Variants in JUP observed in about 807,000 individuals in gnomAD.
JUP encodes the protein catenin (cadherin-associated protein), gamma 80kDa.
Under a neutral mutation model 71.1 loss-of-function variants are expected in JUP, and 28 were observed. The observed-to-expected ratio is 0.39, with a 90% CI of 0.29 to 0.54. JUP has a LOEUF of 0.54. JUP is among the 20% of genes least tolerant of loss of function. The pLI is 0.62. For missense variants in JUP, 869 were observed against 1,030.1 expected (o/e 0.84, Z 2.14); for synonymous variants, 401 against 438.9 (o/e 0.91, Z 1.08).
At chr17:41,757,350 G>A in intron 12 of JUP, 65 bp downstream of exon 12, 2 of 1,572,366 alleles carry the variant, frequency 1.3e-6, no homozygotes, top group South Asian at 1.1e-5. Flanking sequence ...ACCCCCAAAA[G>A]TGTTGCCCAT....
chr17:41,772,798 C>T, intron 1 of JUP: 1 of 985,412 alleles, frequency 1.0e-6, no homozygotes, highest in Non-Finnish European at 1.2e-6. Flanking sequence ...CTCTCTCTCT[C>T]TGCAAAGGTT....
In JUP at chr17:41,765,064, T is replaced by TCAG. The variant is rs1567812900; in HGVS notation, c.910_912dup (p.Leu304dup). 6.2e-7 allele frequency: 1 copy of TCAG among 1,614,068 alleles called. No individual in the cohort carries two copies. The highest frequency in any genetic ancestry group is 8.5e-7 in the Non-Finnish European group (1 of 1,179,982). On this transcript the variant is annotated inframe_insertion, in exon 6 of 14. Coordinates refer to ENST00000393931, the MANE Select transcript of JUP (RefSeq NM_002230.4). Reference sequence around the variant, plus strand: ...TGGGGCCCACCATTGGCCAGGATGATCAGCTATGGGTAAAGAGGGAATGAG... The same window carrying TCAG: ...TGGGGCCCACCATTGGCCAGGATGATCAGCAGCTATGGGTAAAGAGGGAATGAG...
At chr17:41,778,634 G>A (rs1366984014) in intron 1 of JUP, among the ~76,000 whole-genome samples, 1 of 151,908 alleles carries the variant, frequency 6.6e-6, no homozygotes, top group East Asian at 1.9e-4. Context: ...GGATGTTGCC[G>A]AGCACGGTGG....
At chr17:41,760,212 T>TA (rs1444350045) in intron 8 of JUP, among the ~76,000 whole-genome samples, 13 of 151,902 alleles carry the variant, frequency 8.6e-5, no homozygotes, top group Non-Finnish European at 1.5e-4. Context: ...TAGAATCACT[T>TA]AGAGTCATTC....
In JUP at chr17:41,769,018, G is replaced by T; in HGVS notation, c.658C>A (p.Leu220Ile). The T allele has an allele frequency of 6.2e-7, 1 of 1,611,134 alleles. No homozygotes were observed. The highest frequency in any genetic ancestry group is 2.2e-5 in the East Asian group (1 of 44,778). The change falls in exon 4 of 14, where the codon CTC becomes ATC. Residue 220 changes from leucine to isoleucine, a missense_variant. Physicochemically the swap from Leu to Ile is conservative, Grantham distance 5. Transcript: ENST00000393931. ...ATGCCACCCGACTTGAAGATGGCGA[G>T]CAGCCCCTCCCGGTGGTGGGAGAGG... ...HNLSHHREGL[L>I]AIFKSGGIPA...
At chr17:41,778,581 A>G (rs1391331069) in intron 1 of JUP, among the ~76,000 whole-genome samples, 1 of 151,190 alleles carries the variant, frequency 6.6e-6, no homozygotes, top group African/African-American at 2.4e-5. Context: ...ATGTTACTAT[A>G]TACAGGGGAT....
chr17:41,757,395 G>A lies in JUP; in HGVS notation c.2046+20C>T. 6.2e-7 allele frequency: 1 copy of A among 1,614,044 alleles called. No individual in the cohort carries two copies. The highest frequency in any genetic ancestry group is 8.5e-7 in the Non-Finnish European group (1 of 1,179,988). On this transcript the variant is annotated intron_variant, in intron 12 of 13. Transcript: ENST00000393931. Reference sequence around the variant, plus strand: ...CCAACTTGCACAACCAACTACTGTGGTCCAACCTAGGATACTCACAGCCTC... The same window carrying A: ...CCAACTTGCACAACCAACTACTGTGATCCAACCTAGGATACTCACAGCCTC...
intron 1 of JUP, among the ~76,000 whole-genome samples, chr17:41,783,942 C>T (rs1449363036): frequency 6.8e-6 from 1 of 148,118 alleles, no homozygotes; most frequent in Non-Finnish European, 1.5e-5. Context: ...TCTGTAAAGT[C>T]TTACCTTGAT....
chr17:41,785,249 G>C (rs1469919099), intron 1 of JUP: 1 of 151,402 alleles, frequency 6.6e-6, no homozygotes, highest in Non-Finnish European at 1.5e-5. Flanking sequence ...TGTGGGGGAT[G>C]GGGTAGAGGC....
At chr17:41,758,343 C>A (rs576915209) in intron 10 of JUP, 56 bp downstream of exon 10, 18 of 1,609,890 alleles carry the variant, frequency 1.1e-5, no homozygotes, top group African/African-American at 1.3e-5. Context: ...GACTCCTAAC[C>A]TTGCCCTTTA....
intron 1 of JUP, among the ~76,000 whole-genome samples, chr17:41,780,000 G>A (rs1434731249): frequency 6.6e-6 from 1 of 152,094 alleles, no homozygotes; most frequent in African/African-American, 2.4e-5. Flanking sequence ...AATCAAGGAA[G>A]AGGAGGAGTC....
rs541032494 is a variant in JUP at position 41,758,408 on chromosome 17, C to A, written c.1764G>T (p.Leu588=). ...CCTGCCCCAGACTCACCTGCACAAA[C>A]AGGGGAATGGTGTTGAGCCGGAAGA... The part of the protein sequence containing the change: ...MEIFRLNTIP[L]FVQLLYSSVE... The change falls in exon 10 of 14, where the codon CTG becomes CTT. Residue 588 remains leucine (L), a synonymous_variant. Transcript: ENST00000393931. The A allele has an allele frequency of 1.2e-6, 2 of 1,613,294 alleles. No individual in the cohort carries two copies. Among genetic ancestry groups the A allele is most frequent in the East Asian group, 2.2e-5 (1 of 44,876 alleles).
intron 5 of JUP, among the ~76,000 whole-genome samples, chr17:41,765,899 G>C (rs925366446): frequency 1.3e-5 from 2 of 152,142 alleles, no homozygotes; most frequent in Non-Finnish European, 2.9e-5. Context: ...GTTTATAAAG[G>C]TGGAATAGGA....
chr17:41,767,823 G>A (rs1416776097), intron 4 of JUP, among the ~76,000 whole-genome samples: 1 of 152,224 alleles, frequency 6.6e-6, no homozygotes, highest in African/African-American at 2.4e-5. Flanking sequence ...CCAGCCCTGT[G>A]CTGAGCGCAC....
At chr17:41,762,582 T>C (rs1449976678) in intron 8 of JUP, among the ~76,000 whole-genome samples, 2 of 151,966 alleles carry the variant, frequency 1.3e-5, no homozygotes, top group East Asian at 1.9e-4. Context: ...TTGTTATTGT[T>C]GTCGAGACAG....
In JUP at chr17:41,772,787, C is replaced by CCT. The variant is rs1214700469; in HGVS notation, c.-8-927_-8-926dup. 1.2e-5 allele frequency: 12 copies of CCT among 980,164 alleles called. No individual in the cohort carries two copies. The East Asian group carries it at 3.4e-4, about 28-fold the overall frequency. The allele number at this position is 980,164 out of a possible 1,614,324, so 60.7% of individuals were successfully genotyped here. A position where few individuals can be genotyped will look rare whatever the true frequency, so the allele number is the denominator to read the frequency against. On this transcript the variant is annotated intron_variant, in intron 1 of 13. Transcript: ENST00000393931. The stretch of plus-strand genomic sequence containing the variant: ...TGGGTGGTCACTGCCGTCAGGAACC[C>CCT]CTCTCTCTCTCTGCAAAGGTTTAGG...
At chr17:41,765,479 G>A (rs1395116140) in intron 5 of JUP, among the ~76,000 whole-genome samples, 4 of 152,008 alleles carry the variant, frequency 2.6e-5, no homozygotes, top group Non-Finnish European at 5.9e-5. Flanking sequence ...AGCCTCCCAA[G>A]TAGCTGGGAT....
chr17:41,768,210 C>T (rs375822034), intron 4 of JUP, among the ~76,000 whole-genome samples: 2 of 152,202 alleles, frequency 1.3e-5, no homozygotes, highest in South Asian at 4.2e-4. Context: ...ACTAGCCTGG[C>T]CAACATGGTG....
At chr17:41,773,893 C>T (rs57458016) in intron 1 of JUP, among the ~76,000 whole-genome samples, 1,728 of 152,268 alleles carry the variant, frequency 0.011, 43 homozygotes, top group African/African-American at 0.039. Context: ...AGCAATAACC[C>T]ACTGAATGCC....
Sources: gnomAD v4.1 joint callset for allele counts (sites outside exome capture counted in the v4.1 genomes callset) on GRCh38, gnomAD v4.1.1 for gene constraint, MANE v1.5 for transcripts, NCBI Gene and HGNC (gene_info 2026-07-23, HGNC 2026-07-21) for gene names.